The following PSD3 variants were observed in gnomAD, a reference collection of about 807,000 sequenced individuals.
The protein encoded by PSD3 is pleckstrin and Sec7 domain containing 3.
PSD3 carries 49 observed loss-of-function variants against 105.5 expected under a neutral mutation model. The observed-to-expected ratio is 0.46, with a 90% CI of 0.37 to 0.59. The LOEUF is 0.59. Among genes scored for constraint, PSD3 ranks in the 20% least tolerant of loss-of-function variants. The pLI, the probability that PSD3 is intolerant of heterozygous loss-of-function variation, is 0.00. For missense variants in PSD3, 1,561 were observed against 1,263.8 expected (o/e 1.24, Z -3.57); for synonymous variants, 557 against 457.8 (o/e 1.22, Z -2.77).
At chr8:18,564,448 G>C (rs949042789) in intron 14 of PSD3, among the ~76,000 whole-genome samples, 1 of 152,056 alleles carries the variant, frequency 6.6e-6, no homozygotes, top group South Asian at 2.1e-4. Context: ...GGCCAACATG[G>C]TGAAACCCCG....
At chr8:18,657,098 G>A (rs1474569218) in intron 9 of PSD3, among the ~76,000 whole-genome samples, 2 of 152,134 alleles carry the variant, frequency 1.3e-5, no homozygotes, top group Non-Finnish European at 2.9e-5. Context: ...AAAAAAGGGG[G>A]ATCACATGTC....
intron 8 of PSD3, among the ~76,000 whole-genome samples, chr8:18,779,380 C>T (rs2129445118): frequency 6.7e-6 from 1 of 149,368 alleles, no homozygotes; most frequent in African/African-American, 2.4e-5. Context: ...GTTGTTTATT[C>T]TCTCAAAAAA....
At chr8:18,697,062 G>A (rs1185354398) in intron 9 of PSD3, among the ~76,000 whole-genome samples, 2 of 152,144 alleles carry the variant, frequency 1.3e-5, no homozygotes, top group Non-Finnish European at 2.9e-5. Context: ...GGGCAACATA[G>A]TAAGACTCTC....
intron 1 of PSD3, among the ~76,000 whole-genome samples, chr8:19,062,431 A>G (rs560621799): frequency 6.6e-6 from 1 of 152,322 alleles, no homozygotes; most frequent in East Asian, 1.9e-4. Context: ...ACTGAAACTC[A>G]GAAGAGTAGA....
At chr8:19,065,026 CA>C (rs575987810) in intron 1 of PSD3, among the ~76,000 whole-genome samples, 142 of 152,014 alleles carry the variant, frequency 9.3e-4, no homozygotes, top group African/African-American at 3.3e-3. Context: ...GCTAGTTTTC[CA>C]AAAAAACCAG....
chr8:19,077,490 A>T (rs1471713702), intron 1 of PSD3, among the ~76,000 whole-genome samples: 2 of 152,184 alleles, frequency 1.3e-5, no homozygotes, highest in Non-Finnish European at 2.9e-5. Context: ...TAAAAAAAAA[A>T]TGCAGCCCTG....
At chr8:18,551,293 C>G (rs1800756339) in intron 15 of PSD3, among the ~76,000 whole-genome samples, 1 of 152,198 alleles carries the variant, frequency 6.6e-6, no homozygotes, top group Non-Finnish European at 1.5e-5. Flanking sequence ...CCCAACGCTA[C>G]TGACTATGCA....
intron 10 of PSD3, among the ~76,000 whole-genome samples, chr8:18,639,596 A>G (rs1457477034): frequency 6.6e-6 from 1 of 152,172 alleles, no homozygotes; most frequent in East Asian, 1.9e-4. Flanking sequence ...ACACAGACAC[A>G]CACATACAGA....
chr8:18,906,244 CTAAAG>C (rs916308385), intron 2 of PSD3, among the ~76,000 whole-genome samples: 24 of 152,252 alleles, frequency 1.6e-4, no homozygotes, highest in African/African-American at 5.8e-4. Context: ...TCCAGATCCC[CTAAAG>C]TTAAGAAACC....
intron 4 of PSD3, among the ~76,000 whole-genome samples, chr8:18,824,614 G>A (rs534936309): frequency 3.9e-5 from 6 of 152,236 alleles, no homozygotes; most frequent in South Asian, 2.1e-4. Context: ...TAAATTCTGC[G>A]CAATTCCCAG....
At chr8:18,774,593 C>T (rs970261830) in intron 8 of PSD3, 2 of 376,934 alleles carry the variant, frequency 5.3e-6, no homozygotes, top group African/African-American at 4.3e-5. Context: ...CCTGTTCCTG[C>T]TGCTGCTGCT....
intron 4 of PSD3, among the ~76,000 whole-genome samples, chr8:18,816,626 C>T (rs925073742): frequency 3.9e-5 from 6 of 152,214 alleles, no homozygotes; most frequent in East Asian, 1.9e-4. Flanking sequence ...TGACTATGTG[C>T]CAGCACATTT....
intron 1 of PSD3, among the ~76,000 whole-genome samples, chr8:19,066,556 C>G (rs1194753922): frequency 6.6e-6 from 1 of 152,176 alleles, no homozygotes; most frequent in African/African-American, 2.4e-5. Flanking sequence ...GTCTTTATCT[C>G]CAGACTCATC....
intron 1 of PSD3, among the ~76,000 whole-genome samples, chr8:19,031,961 G>T (rs144696492): frequency 1.3e-5 from 2 of 151,968 alleles, no homozygotes; most frequent in African/African-American, 4.8e-5. Context: ...CTAATTAGAC[G>T]CATCCCACAA....
intron 9 of PSD3, among the ~76,000 whole-genome samples, chr8:18,698,365 T>C (rs143384759): frequency 1.3e-5 from 2 of 152,292 alleles, no homozygotes; most frequent in South Asian, 4.1e-4. Flanking sequence ...GTGATCCTCC[T>C]GCCTTGGCCT....
At chr8:18,981,272 G>C (rs928005045) in intron 1 of PSD3, among the ~76,000 whole-genome samples, 5 of 152,098 alleles carry the variant, frequency 3.3e-5, no homozygotes, top group Non-Finnish European at 7.4e-5. Context: ...CAGGAAAGAC[G>C]CAAGAAAAGT....
intron 12 of PSD3, among the ~76,000 whole-genome samples, chr8:18,584,358 C>A (rs942441955): frequency 1.3e-5 from 2 of 152,216 alleles, no homozygotes; most frequent in African/African-American, 4.8e-5. Flanking sequence ...CTCCCCACAA[C>A]AGCATTTTAA....
intron 1 of PSD3, among the ~76,000 whole-genome samples, chr8:19,032,542 C>G (rs990532928): frequency 6.6e-6 from 1 of 150,620 alleles, no homozygotes; most frequent in African/African-American, 2.4e-5. Context: ...CCCAGCTACT[C>G]AGAAGGCTGA....
chr8:18,962,518 C>G (rs2129471241), intron 1 of PSD3, among the ~76,000 whole-genome samples: 1 of 152,128 alleles, frequency 6.6e-6, no homozygotes, highest in Non-Finnish European at 1.5e-5. Flanking sequence ...AAATGGCAAA[C>G]TATATTGCTA....
Sources: allele counts gnomAD v4.1 joint callset (sites outside exome capture counted in the v4.1 genomes callset), GRCh38; gene constraint gnomAD v4.1.1; transcripts MANE v1.5; gene names NCBI Gene and HGNC (gene_info 2026-07-23, HGNC 2026-07-21).